NSF: variants seen among roughly 807,000 people sequenced by gnomAD.
NSF encodes the protein N-ethylmaleimide sensitive factor, vesicle fusing ATPase.
NSF carries 14 observed loss-of-function variants against 50.3 expected under a neutral mutation model. The observed-to-expected ratio is 0.28, with a 90% CI of 0.18 to 0.44. The LOEUF (loss-of-function observed/expected upper bound fraction) is 0.44. NSF is among the 20% of genes least tolerant of loss of function. NSF has a pLI of 1.00. For synonymous variants in NSF, 109 were observed against 175.7 expected, an observed-to-expected ratio of 0.62 and a Z score of 3.00; for missense variants, 218 against 504.3, an observed-to-expected ratio of 0.43 and a Z score of 5.44.
intron 17 of NSF, among the ~76,000 whole-genome samples, chr17:46,744,502 T>G (rs937666248): frequency 1.3e-5 from 2 of 152,236 alleles, no homozygotes; most frequent in Non-Finnish European, 2.9e-5. Flanking sequence ...TGCTCAGCAT[T>G]GAATGATATG....
At chr17:46,740,915 A>G (rs1487970561) in intron 17 of NSF, among the ~76,000 whole-genome samples, 2 of 152,038 alleles carry the variant, frequency 1.3e-5, no homozygotes, top group Admixed American at 6.6e-5. Context: ...GCCCGTCTCA[A>G]TATCTTCTTA....
At chr17:46,738,096 AC>A (rs1320878011) in intron 17 of NSF, among the ~76,000 whole-genome samples, 1 of 151,706 alleles carries the variant, frequency 6.6e-6, no homozygotes, top group African/African-American at 2.4e-5. Context: ...ACCACACCTG[AC>A]TAATCTTTAT....
chr17:46,601,915 G>A (rs2057915099), intron 1 of NSF, among the ~76,000 whole-genome samples: 1 of 147,264 alleles, frequency 6.8e-6, no homozygotes, highest in African/African-American at 2.6e-5. Context: ...CTGGCATGGT[G>A]GCTCACACCT....
At chr17:46,626,009 T>C (rs1168325401) in intron 2 of NSF, among the ~76,000 whole-genome samples, 4 of 149,404 alleles carry the variant, frequency 2.7e-5, no homozygotes, top group Non-Finnish European at 5.9e-5. Flanking sequence ...TTTTTTTTTA[T>C]TTACAGGTAA....
At chr17:46,753,723 G>A (rs1368594927) in intron 19 of NSF, among the ~76,000 whole-genome samples, 1 of 152,098 alleles carries the variant, frequency 6.6e-6, no homozygotes, top group Non-Finnish European at 1.5e-5. Context: ...TCTTATGCAT[G>A]TGGGATAGAG....
chr17:46,717,192 C>G (rs12951057), intron 15 of NSF, among the ~76,000 whole-genome samples: 15,317 of 152,114 alleles, frequency 0.1, 1,055 homozygotes, highest in Non-Finnish European at 0.14. Flanking sequence ...TCATTTGCAA[C>G]AACATGGATG....
At position 46,751,601 on chromosome 17, in the gene NSF, C is replaced by T. The variant is rs370654068; in HGVS notation, c.2142C>T (p.Ile714=). 17 of 1,610,614 alleles carry T rather than the reference C, an allele frequency of 1.1e-5. No individual in the cohort carries two copies. The highest frequency in any genetic ancestry group is 4.0e-5 in the African/African-American group (3 of 74,852). The change falls in exon 19 of 21, where the codon ATC becomes ATT. Residue 714 remains isoleucine, a synonymous_variant. Transcript: ENST00000398238. ...WIGIKKLLML[I]EMSLQMDPEY... ...GAATCAAGAAGTTACTAATGCTGAT[C>T]GAGATGTCCCTACAGGTAAGGTACT...
intron 18 of NSF, among the ~76,000 whole-genome samples, chr17:46,750,522 C>G (rs2146339405): frequency 6.6e-6 from 1 of 152,272 alleles, no homozygotes; most frequent in East Asian, 1.9e-4. Flanking sequence ...AATTTTGGAG[C>G]ATTTTAGATT....
chr17:46,608,085 C>T (rs1295232818), intron 1 of NSF, among the ~76,000 whole-genome samples: 1 of 124,180 alleles, frequency 8.1e-6, no homozygotes, highest in Admixed American at 9.0e-5. Flanking sequence ...CCGAGCTGGG[C>T]GGATCACGAG....
rs2059239734 is a variant in NSF, at chr17:46,756,883, A to G, written c.*1060A>G. 6.6e-6 allele frequency: 1 copy of G among 152,670 alleles called. No homozygotes were observed. The highest frequency in any genetic ancestry group is 1.9e-4 in the East Asian group (1 of 5,206). The allele number at this position is 152,670 out of a possible 1,614,324, so 9.5% of individuals were successfully genotyped here. A position where few individuals can be genotyped will look rare whatever the true frequency, so the allele number is the denominator to read the frequency against. On this transcript the variant is annotated 3_prime_UTR_variant, in exon 21 of 21. Transcript: ENST00000398238. ...CCTTTACCCTCCACACACTTCTTCC[A>G]AAAGGAAGCACCCGTTGAGTCCTTT...
chr17:46,756,750 T>G lies in NSF; in HGVS notation c.*927T>G, dbSNP rs2059237926. The G allele has an allele frequency of 6.6e-6, 1 of 152,650 alleles. No individual in the cohort carries two copies. The highest frequency in any genetic ancestry group is 2.4e-5 in the African/African-American group (1 of 41,458). 9.5% of individuals were successfully genotyped at this position (152,650 alleles called of 1,614,324 possible). A position where few individuals can be genotyped will look rare whatever the true frequency, so the allele number is the denominator to read the frequency against. ...CTTAGAATTTATCCTTTATTTTAAA[T>G]GATCTGTACTATCTAGTGTCTAAAA... On this transcript the variant is annotated 3_prime_UTR_variant, in exon 21 of 21. Transcript: ENST00000398238.
intron 12 of NSF, among the ~76,000 whole-genome samples, chr17:46,703,619 T>C (rs2058627383): frequency 6.9e-6 from 1 of 143,998 alleles, no homozygotes. Flanking sequence ...GAGGTGGAGC[T>C]TGCAGCGTCC....
intron 18 of NSF, among the ~76,000 whole-genome samples, 153 bp downstream of exon 18, chr17:46,750,060 G>A (rs2059166824): frequency 6.6e-6 from 1 of 152,124 alleles, no homozygotes; most frequent in South Asian, 2.1e-4. Context: ...TATCCAAAAT[G>A]CCTGGGACTA....
In NSF at chr17:46,755,370, G is replaced by GT; in HGVS notation, c.2213+2dup. ...TGGCCCTCTTAAGAGAAGAAGGAGC[G>GT]TAAGTACATACAACATTTAATGACC... On this transcript the variant is annotated splice_donor_variant, in intron 20 of 20. Transcript: ENST00000398238. LOFTEE classifies it high-confidence loss of function. 5 of 1,611,626 alleles carry GT rather than the reference G, an allele frequency of 3.1e-6. No homozygotes were observed. Among genetic ancestry groups the GT allele is most frequent in the Non-Finnish European group, 3.4e-6 (4 of 1,177,698 alleles).
At chr17:46,754,236 A>G (rs1461716875) in intron 19 of NSF, among the ~76,000 whole-genome samples, 1 of 144,026 alleles carries the variant, frequency 6.9e-6, no homozygotes, top group Admixed American at 7.1e-5. Context: ...TTTGTTAGCT[A>G]TTCACACTTT....
rs140361958 is a variant in NSF, at chr17:46,708,491, CTT to C, written c.1471-2453_1471-2452del. Among the ~76,000 whole-genome samples the C allele has an allele frequency of 5.2e-3, 647 of 124,842 alleles. 2 individuals are homozygous for C. The highest frequency in any genetic ancestry group is 0.019 in the African/African-American group (591 of 31,786). The allele number at this position is 124,842 out of a possible 152,430, so 81.9% of individuals were successfully genotyped here. The stretch of plus-strand genomic sequence containing the variant: ...GCTTATCAACCATTTGTTACATATC[CTT>C]TTTTTTTTTTTTTTTTTTGAGACAG... On this transcript the variant is annotated intron_variant, in intron 13 of 20. Coordinates refer to ENST00000398238, the MANE Select transcript of NSF (RefSeq NM_006178.4).
At chr17:46,722,253 G>A (rs1347211601) in intron 15 of NSF, 3 of 1,122,638 alleles carry the variant, frequency 2.7e-6, no homozygotes, top group Non-Finnish European at 4.0e-6. Context: ...ACATTCTTAA[G>A]ATTAATTTTG....
chr17:46,687,118 AT>A (rs2058499421), intron 9 of NSF, among the ~76,000 whole-genome samples: 1 of 41,780 alleles, frequency 2.4e-5, no homozygotes, highest in African/African-American at 1.0e-4. Flanking sequence ...CATCTTTGTC[AT>A]TTTTTTATTC....
chr17:46,755,519 A>T (rs1254771941), intron 20 of NSF, 150 bp downstream of exon 20: 1 of 759,730 alleles, frequency 1.3e-6, no homozygotes, highest in Admixed American at 2.3e-5. Flanking sequence ...CCAAGCAAGG[A>T]AGTTGGTTGT....
Sources: allele counts gnomAD v4.1 joint callset (sites outside exome capture counted in the v4.1 genomes callset), GRCh38; gene constraint gnomAD v4.1.1; transcripts MANE v1.5; gene names NCBI Gene and HGNC (gene_info 2026-07-23, HGNC 2026-07-21).